KCNMA1: variants seen among roughly 807,000 people sequenced by gnomAD.
The protein encoded by KCNMA1 is Calcium-activated potassium channel subunit alpha-1.
In KCNMA1, 29 loss-of-function variants were observed where a neutral mutation model predicts 140.0. The ratio of observed to expected loss-of-function variants is 0.21; its 90% CI spans 0.15 to 0.28. The LOEUF (loss-of-function observed/expected upper bound fraction) is 0.28. Among genes scored for constraint, KCNMA1 ranks in the 10% least tolerant of loss-of-function variants. The pLI is 1.00. For synonymous variants in KCNMA1, 612 were observed against 611.9 expected (o/e 1.00, Z 0.00); for missense variants, 880 against 1,602.2 (o/e 0.55, Z 7.70).
chr10:77,115,518 C>T (rs1278464313), intron 6 of KCNMA1, among the ~76,000 whole-genome samples: 1 of 152,118 alleles, frequency 6.6e-6, no homozygotes, highest in Non-Finnish European at 1.5e-5. Flanking sequence ...CTCAGGGTAT[C>T]GTTAAATACC....
chr10:76,979,044 A>C (rs2078581682), intron 19 of KCNMA1, among the ~76,000 whole-genome samples: 1 of 152,038 alleles, frequency 6.6e-6, no homozygotes, highest in Non-Finnish European at 1.5e-5. Flanking sequence ...CCCAGGGCAA[A>C]AGCTTCTCTC....
At chr10:77,307,186 C>T (rs1393059372) in intron 2 of KCNMA1, among the ~76,000 whole-genome samples, 1 of 152,184 alleles carries the variant, frequency 6.6e-6, no homozygotes, top group Non-Finnish European at 1.5e-5. Flanking sequence ...AACAAGGCTA[C>T]AAGGGTTTTG....
chr10:77,376,143 T>A (rs550112799), intron 2 of KCNMA1, among the ~76,000 whole-genome samples: 2 of 152,216 alleles, frequency 1.3e-5, no homozygotes, highest in Non-Finnish European at 2.9e-5. Context: ...GCTGCTGGCA[T>A]GGCCAAGAGA....
intron 16 of KCNMA1, among the ~76,000 whole-genome samples, chr10:77,023,909 G>A (rs1039272320): frequency 1.3e-5 from 2 of 152,154 alleles, no homozygotes; most frequent in Non-Finnish European, 2.9e-5. Context: ...GCATGATAAA[G>A]ATTGCTCCCA....
At chr10:77,020,684 T>C (rs971657655) in intron 16 of KCNMA1, 5 of 152,198 alleles carry the variant, frequency 3.3e-5, no homozygotes, top group African/African-American at 1.2e-4. Flanking sequence ...GGGTGAAGTG[T>C]TAGAGCTCAT....
At chr10:77,102,930 C>T (rs1027615725) in intron 9 of KCNMA1, among the ~76,000 whole-genome samples, 8 of 152,220 alleles carry the variant, frequency 5.3e-5, no homozygotes, top group East Asian at 1.9e-4. Context: ...GTAGTTTGTT[C>T]GCCAATGAAC....
intron 1 of KCNMA1, among the ~76,000 whole-genome samples, chr10:77,604,994 CA>C (rs2083936180): frequency 6.6e-6 from 1 of 151,942 alleles, no homozygotes; most frequent in African/African-American, 2.4e-5. Context: ...GGTGTGGCTC[CA>C]AAAAACACAG....
At chr10:77,616,280 A>T (rs978145976) in intron 1 of KCNMA1, among the ~76,000 whole-genome samples, 28 of 152,348 alleles carry the variant, frequency 1.8e-4, no homozygotes, top group African/African-American at 6.5e-4. Context: ...ACTAGAGTGG[A>T]GACTTACCAG....
chr10:77,204,072 G>A (rs2043271620), intron 3 of KCNMA1, among the ~76,000 whole-genome samples: 1 of 151,420 alleles, frequency 6.6e-6, no homozygotes, highest in Non-Finnish European at 1.5e-5. Flanking sequence ...TTCCAGCCTG[G>A]GGGACACAGT....
intron 1 of KCNMA1, among the ~76,000 whole-genome samples, chr10:77,591,624 G>C (rs1390328154): frequency 6.6e-6 from 1 of 152,128 alleles, no homozygotes; most frequent in Non-Finnish European, 1.5e-5. Flanking sequence ...GCAGGCTGTG[G>C]TTTGGGAGCC....
intron 20 of KCNMA1, among the ~76,000 whole-genome samples, chr10:76,957,216 C>G (rs1019737344): frequency 4.0e-5 from 6 of 150,600 alleles, no homozygotes; most frequent in Non-Finnish European, 8.9e-5. Flanking sequence ...TGTTGATCCA[C>G]TAATAGCCAG....
chr10:77,571,723 G>A (rs934330458), intron 1 of KCNMA1, among the ~76,000 whole-genome samples: 7 of 152,160 alleles, frequency 4.6e-5, no homozygotes, highest in Non-Finnish European at 8.8e-5. Context: ...TAAAGGCCAT[G>A]CTTTCAATCC....
intron 10 of KCNMA1, among the ~76,000 whole-genome samples, chr10:77,087,354 T>C (rs7920471): frequency 0.021 from 3,215 of 152,274 alleles, 106 homozygotes; most frequent in African/African-American, 0.073. Context: ...TATCAATATA[T>C]AGATACCGAT....
intron 1 of KCNMA1, among the ~76,000 whole-genome samples, chr10:77,408,129 C>T (rs982926599): frequency 1.3e-5 from 2 of 152,176 alleles, no homozygotes; most frequent in African/African-American, 2.4e-5. Flanking sequence ...ATTAGATCAA[C>T]CTCCCATTTT....
At chr10:76,920,827 C>T (rs1323825004) in intron 23 of KCNMA1, among the ~76,000 whole-genome samples, 1 of 152,172 alleles carries the variant, frequency 6.6e-6, no homozygotes, top group Non-Finnish European at 1.5e-5. Context: ...AGGCCTGAGC[C>T]AGTCTTACTT....
intron 2 of KCNMA1, among the ~76,000 whole-genome samples, chr10:77,269,354 T>C (rs1342294200): frequency 6.6e-6 from 1 of 152,198 alleles, no homozygotes; most frequent in African/African-American, 2.4e-5. Flanking sequence ...TTCCAAATAT[T>C]CTGATTCCAA....
intron 5 of KCNMA1, among the ~76,000 whole-genome samples, chr10:77,163,541 A>G (rs1402870890): frequency 2.0e-5 from 3 of 152,212 alleles, no homozygotes; most frequent in Admixed American, 2.0e-4. Flanking sequence ...GCTCTGTCCC[A>G]TTCTGGGGAT....
intron 19 of KCNMA1, chr10:76,970,319 C>G (rs1180942994): frequency 3.0e-6 from 1 of 329,910 alleles, no homozygotes; most frequent in Non-Finnish European, 5.3e-6. Context: ...TTGTAAACAC[C>G]CTGCCATAAG....
intron 29 of KCNMA1, chr10:76,877,965 G>C: frequency 6.8e-7 from 1 of 1,478,236 alleles, no homozygotes; most frequent in Non-Finnish European, 9.3e-7. Flanking sequence ...TAAAGCCTTT[G>C]GAAAGTTCAT....
Sources: gnomAD v4.1 joint callset for allele counts (sites outside exome capture counted in the v4.1 genomes callset) on GRCh38, gnomAD v4.1.1 for gene constraint, MANE v1.5 for transcripts, NCBI Gene and HGNC (gene_info 2026-07-23, HGNC 2026-07-21) for gene names.